The following PLOD3 variants were observed in gnomAD, a reference collection of about 807,000 sequenced individuals.
PLOD3 encodes the protein multifunctional procollagen lysine hydroxylase and glycosyltransferase LH3.
A neutral mutation model predicts 96.9 loss-of-function variants in PLOD3; 73 were observed. The ratio of observed to expected loss-of-function variants is 0.75; its 90% confidence interval spans 0.62 to 0.92. PLOD3 has a LOEUF of 0.92. PLOD3 is among the 40% of genes least tolerant of loss of function. The probability of loss-of-function intolerance (pLI) is 0.00; values close to 1 mark genes in which losing one functional copy is unlikely to be tolerated. For missense variants in PLOD3, 1,004 were observed against 1,004.3 expected (o/e 1.00, Z 0.00); for synonymous variants, 454 against 413.7 (o/e 1.10, Z -1.18).
intron 4 of PLOD3, 62 bp downstream of exon 4, chr7:101,216,101 G>A (rs970558143): frequency 8.1e-6 from 13 of 1,609,970 alleles, no homozygotes; most frequent in Admixed American, 5.0e-5. Context: ...GCCCTCAGGC[G>A]CCTTTAACAC....
chr7:101,217,119 G>C, intron 1 of PLOD3, 47 bp downstream of exon 1: 1 of 1,436,576 alleles, frequency 7.0e-7, no homozygotes, highest in African/African-American at 1.4e-5. Context: ...TGGCAGGCAC[G>C]CCAGCCTCTG....
chr7:101,211,773 T>C (rs2116802883), intron 11 of PLOD3, 57 bp from the exon 12 acceptor site: 4 of 1,587,760 alleles, frequency 2.5e-6, no homozygotes, highest in Non-Finnish European at 2.6e-6. Flanking sequence ...GGGAGCCCGG[T>C]GCCCAGGGCA....
chr7:101,217,257 A>G lies in PLOD3; in HGVS notation c.18T>C (p.Pro6=). 6.7e-7 allele frequency: 1 copy of G among 1,488,490 alleles called. No homozygotes were observed. The highest frequency in any genetic ancestry group is 8.9e-7 in the Non-Finnish European group (1 of 1,120,722). The allele number at this position is 1,488,490 out of a possible 1,614,324, so 92.2% of individuals were successfully genotyped here. A position where few individuals can be genotyped will look rare whatever the true frequency, so the allele number is the denominator to read the frequency against. The part of the protein sequence containing the change: MTSSG[P]GPRFLLLLPL... ...GCAGCAGCAGCAGGAACCGGGGTCC[A>G]GGCCCCGAGGAGGTCATGGTGGGGA... Residue 6 remains proline (P), a synonymous_variant, in exon 1 of 19, where the codon CCT becomes CCC. Coordinates refer to ENST00000223127, the MANE Select transcript of PLOD3 (RefSeq NM_001084.5).
chr7:101,209,310 G>A (rs532194140), intron 15 of PLOD3, among the ~76,000 whole-genome samples: 2 of 151,482 alleles, frequency 1.3e-5, no homozygotes, highest in East Asian at 1.9e-4. Flanking sequence ...GGGCTCAAGC[G>A]ATCCTCCCGC....
In PLOD3 at chr7:101,213,015, A is replaced by C. The variant is rs543681136; in HGVS notation, c.778-72T>G. ...GAGGTGGGGGTCAGGCACCTCTGAT[A>C]TGGGGGCTGGGAAGGGCCAGCTTCT... On this transcript the variant is annotated intron_variant, in intron 7 of 18. Coordinates refer to ENST00000223127, the MANE Select transcript of PLOD3 (RefSeq NM_001084.5). 4,956 of 1,144,234 alleles carry C rather than the reference A, an allele frequency of 4.3e-3. 11 individuals carry two copies. Among genetic ancestry groups the C allele is most frequent in the Admixed American group, 5.4e-3 (271 of 50,390 alleles). The allele number at this position is 1,144,234 out of a possible 1,614,324, so 70.9% of individuals were successfully genotyped here. A position where few individuals can be genotyped will look rare whatever the true frequency, so the allele number is the denominator to read the frequency against.
intron 12 of PLOD3, 72 bp downstream of exon 12, chr7:101,211,517 TGA>T: frequency 6.7e-7 from 1 of 1,490,566 alleles, no homozygotes; most frequent in Non-Finnish European, 9.1e-7. Flanking sequence ...TCCAAACCCC[TGA>T]GAGTAGGGGG....
intron 18 of PLOD3, 151 bp from the exon 19 acceptor site, chr7:101,206,587 TG>T (rs1584249297): frequency 3.0e-6 from 3 of 992,822 alleles, no homozygotes; most frequent in Non-Finnish European, 3.1e-6. Context: ...CACCGGAGGC[TG>T]GGGTGCCTGC....
chr7:101,210,404 C>T lies in PLOD3; in HGVS notation c.1541G>A (p.Arg514Gln), dbSNP rs202167843. The change falls in exon 14 of 19, where the codon CGG becomes CAG. Residue 514 changes from arginine (R) to glutamine (Q), a missense_variant. By Grantham distance (43) the Arg-to-Gln change is conservative. Around this residue, in one of 5 missense-constraint regions of PLOD3, gnomAD observed 23 missense variants for 45.7 expected, o/e 0.50. Transcript: ENST00000223127. The stretch of plus-strand genomic sequence containing the variant: ...GTCGTATCTGGAAGTGGCCAGGAGC[C>T]GGCCAAATTCATGCTGATTGCTCAG... ...LHLSNQHEFG[R>Q]LLATSRYDTE... 1.2e-5 allele frequency: 20 copies of T among 1,613,982 alleles called. No homozygotes were observed. The highest frequency in any genetic ancestry group is 2.2e-5 in the South Asian group (2 of 91,080).
At chr7:101,214,443 C>T (rs575161005) in intron 6 of PLOD3, among the ~76,000 whole-genome samples, 1 of 152,208 alleles carries the variant, frequency 6.6e-6, no homozygotes, top group Non-Finnish European at 1.5e-5. Context: ...TCTCTCTCCC[C>T]GTTCTCCCCA....
rs376220535 is a variant in PLOD3 at position 101,216,385 on chromosome 7, C to T, written c.338+25G>A. On this transcript the variant is annotated intron_variant, in intron 3 of 18. Coordinates refer to ENST00000223127, the MANE Select transcript of PLOD3 (RefSeq NM_001084.5). ...ACTGGGAACCTCAGCATCCTTACCC[C>T]GCTCCCTATCCCCAGCCCCGTTACC... 26 of 1,613,924 alleles carry T rather than the reference C, an allele frequency of 1.6e-5. No individual in the cohort carries two copies. In the Admixed American group the frequency reaches 1.8e-4, roughly 11 times the overall value.
intron 7 of PLOD3, 25 bp downstream of exon 7, chr7:101,213,082 C>CGGGGGGGGGG: frequency 3.8e-6 from 4 of 1,048,918 alleles, no homozygotes; most frequent in Non-Finnish European, 5.5e-6. Context: ...CAGGGCGGGG[C>CGGGGGGGGGG]GGGGGTTGAG....
At chr7:101,213,847 C>T (rs1798227978) in intron 6 of PLOD3, among the ~76,000 whole-genome samples, 1 of 152,026 alleles carries the variant, frequency 6.6e-6, no homozygotes, top group Admixed American at 6.6e-5. Context: ...TACAGGCGCG[C>T]ACCACCATGC....
intron 5 of PLOD3, among the ~76,000 whole-genome samples, chr7:101,215,512 CT>C (rs527672142): frequency 2.6e-4 from 40 of 152,224 alleles, no homozygotes; most frequent in African/African-American, 9.6e-4. Flanking sequence ...CATGGTTTTC[CT>C]TTTTTTGTGA....
chr7:101,216,037 G>A lies in PLOD3; in HGVS notation c.503-17C>T. The A allele has an allele frequency of 1.9e-6, 3 of 1,611,066 alleles. No individual in the cohort carries two copies. The highest frequency in any genetic ancestry group is 2.5e-6 in the Non-Finnish European group (3 of 1,177,226). On this transcript the variant is annotated splice_polypyrimidine_tract_variant and intron_variant, in intron 4 of 18. Transcript: ENST00000223127. Reference sequence around the variant, plus strand: ...CGATGAATCCTGGCGGGGAGGGGGAGTGTTGACCTCGAGACTCCCAGGGTC... The same window carrying A: ...CGATGAATCCTGGCGGGGAGGGGGAATGTTGACCTCGAGACTCCCAGGGTC...
At position 101,206,195 on chromosome 7, in the gene PLOD3, G is replaced by C. The variant is rs1584248900; in HGVS notation, c.*86C>G. ...TGAACTCAGGAAGTGGGGAGACAGA[G>C]AGACCCATCCCCCAACTCCCAGGAC... On this transcript the variant is annotated 3_prime_UTR_variant, in exon 19 of 19. Coordinates refer to ENST00000223127, the MANE Select transcript of PLOD3 (RefSeq NM_001084.5). 4 of 1,305,852 alleles carry C rather than the reference G, an allele frequency of 3.1e-6. No individual in the cohort carries two copies. The highest frequency in any genetic ancestry group is 4.6e-5 in the East Asian group (2 of 43,556). The allele number at this position is 1,305,852 out of a possible 1,614,324, so 80.9% of individuals were successfully genotyped here. A position where few individuals can be genotyped will look rare whatever the true frequency, so the allele number is the denominator to read the frequency against.
In PLOD3 at chr7:101,215,988, T is replaced by C. The variant is rs34646598; in HGVS notation, c.535A>G (p.Ile179Val). 5.1e-4 allele frequency: 819 copies of C among 1,613,976 alleles called. 2 individuals are homozygous for C. The African/African-American group carries it at 9.7e-3, about 19-fold the overall frequency. Reference sequence around the variant, plus strand: ...TCCTTGTACTTCCACTGGCGCACGATTTGGTGGATGGTGGTGGCAAAACCG... The same window carrying C: ...TCCTTGTACTTCCACTGGCGCACGACTTGGTGGATGGTGGTGGCAAAACCG... ...FIGFATTIHQ[I>V]VRQWKYKDDD... Residue 179 changes from isoleucine to valine, a missense_variant, in exon 5 of 19, where the codon ATC becomes GTC. Physicochemically the swap from Ile to Val is conservative, Grantham distance 29. Transcript: ENST00000223127.
Position 101,211,604 on chromosome 7 carries a change from G to A in PLOD3, c.1345C>T (p.Gln449Ter). 1 of 1,602,240 alleles carries A rather than the reference G, an allele frequency of 6.2e-7. No homozygotes were observed. Among genetic ancestry groups the A allele is most frequent in the Non-Finnish European group, 8.5e-7 (1 of 1,175,336 alleles). Residue 449 changes from glutamine to a stop codon, truncating the protein, a stop_gained, in exon 12 of 19, where the codon CAG (glutamine) becomes TAG (stop). Coordinates refer to ENST00000223127, the MANE Select transcript of PLOD3 (RefSeq NM_001084.5). LOFTEE classifies it high-confidence loss of function. Reference protein sequence around the residue: ...ARSEDYVELVQRKRVGVWNVP... With the variant: ...ARSEDYVELV ...GGCGGGACTCACACTCGCTTCCGCT[G>A]CACCAGCTCCACGTAGTCCTCGGAG...
chr7:101,208,977 G>C lies in PLOD3; in HGVS notation c.1684-20C>G. On this transcript the variant is annotated intron_variant, in intron 15 of 18. Coordinates refer to ENST00000223127, the MANE Select transcript of PLOD3 (RefSeq NM_001084.5). ...GCATGGCTGAGGATGGGGCGAGGGA[G>C]AACAGGGCTAGCTGACGCCGCAGAA... 6.4e-7 allele frequency: 1 copy of C among 1,551,286 alleles called. No homozygotes were observed.
At chr7:101,217,059 G>T in intron 1 of PLOD3, 107 bp downstream of exon 1, 2 of 1,224,252 alleles carry the variant, frequency 1.6e-6, no homozygotes, top group Non-Finnish European at 2.2e-6. Flanking sequence ...ACGCTGGGCG[G>T]GGGACGGGCC....
Sources: gnomAD v4.1 joint callset for allele counts (sites outside exome capture counted in the v4.1 genomes callset) on GRCh38, gnomAD v4.1.1 for gene constraint, gnomAD v4.1.1 regional missense constraint, MANE v1.5 for transcripts, NCBI Gene and HGNC (gene_info 2026-07-23, HGNC 2026-07-21) for gene names.